The following UBR3 variants were observed in gnomAD, a reference collection of about 807,000 sequenced individuals.
UBR3 encodes ubiquitin protein ligase E3 component n-recognin 3, also known as E3 ubiquitin-protein ligase UBR3.
UBR3 carries 85 observed loss-of-function variants against 243.2 expected under a neutral mutation model. The observed-to-expected ratio is 0.35, with a 90% CI of 0.29 to 0.42. The LOEUF (loss-of-function observed/expected upper bound fraction) is 0.42, where lower values mean the gene tolerates loss of function less well. UBR3 is among the 10% of genes least tolerant of loss of function. The pLI is 1.00. For synonymous variants in UBR3, 748 were observed against 799.8 expected (o/e 0.94, Z 1.09); for missense variants, 1,686 against 2,300.8 (o/e 0.73, Z 5.47).
intron 35 of UBR3, among the ~76,000 whole-genome samples, chr2:170,071,810 G>A (rs188913813): frequency 9.9e-5 from 15 of 152,206 alleles, no homozygotes; most frequent in East Asian, 3.9e-4. Flanking sequence ...TTTGTTGAAC[G>A]TCTGCTATGT....
chr2:169,843,765 ATC>A (rs1368543025), intron 1 of UBR3, among the ~76,000 whole-genome samples: 1 of 152,172 alleles, frequency 6.6e-6, no homozygotes, highest in African/African-American at 2.4e-5. Flanking sequence ...CTTTTGCAAT[ATC>A]TCTGTCTGAT....
chr2:170,025,005 T>C (rs780370928), intron 30 of UBR3, among the ~76,000 whole-genome samples: 13 of 152,280 alleles, frequency 8.5e-5, no homozygotes, highest in Non-Finnish European at 2.9e-5. Context: ...TTAATTGGCC[T>C]GCTTCTTGGT....
At chr2:169,883,705 A>G (rs1402457876) in intron 5 of UBR3, among the ~76,000 whole-genome samples, 1 of 152,256 alleles carries the variant, frequency 6.6e-6, no homozygotes, top group Non-Finnish European at 1.5e-5. Context: ...GAAAAAATAC[A>G]ACTGATAAAG....
chr2:169,963,896 TG>T (rs1287562138), intron 24 of UBR3, among the ~76,000 whole-genome samples: 1 of 152,202 alleles, frequency 6.6e-6, no homozygotes, highest in East Asian at 1.9e-4. Flanking sequence ...AACATTGTTC[TG>T]TATTTGTTCT....
intron 32 of UBR3, among the ~76,000 whole-genome samples, chr2:170,054,645 T>C (rs573659425): frequency 1.1e-4 from 17 of 152,200 alleles, no homozygotes; most frequent in Non-Finnish European, 2.4e-4. Flanking sequence ...CTTATTGCTA[T>C]AGTTTTCATT....
At chr2:170,052,840 A>G (rs182596361) in intron 32 of UBR3, among the ~76,000 whole-genome samples, 3 of 152,368 alleles carry the variant, frequency 2.0e-5, no homozygotes, top group African/African-American at 7.2e-5. Context: ...AAGTATTCTC[A>G]GTGCACACAC....
intron 29 of UBR3, among the ~76,000 whole-genome samples, chr2:170,010,306 C>T (rs16857433): frequency 0.012 from 1,776 of 152,168 alleles, 49 homozygotes; most frequent in African/African-American, 0.039. Context: ...ACATTGTAGA[C>T]GATTGGGTTG....
At chr2:169,924,025 T>C (rs1160488646) in intron 12 of UBR3, 31 bp downstream of exon 12, 2 of 1,525,076 alleles carry the variant, frequency 1.3e-6, no homozygotes, top group Non-Finnish European at 1.8e-6. Flanking sequence ...TTCTGTTCTT[T>C]TTTTTTTAAT....
intron 7 of UBR3, among the ~76,000 whole-genome samples, chr2:169,896,165 G>T (rs1208419905): frequency 6.6e-6 from 1 of 152,174 alleles, no homozygotes; most frequent in East Asian, 1.9e-4. Flanking sequence ...GCGTGTGCCT[G>T]TAATCCCAGC....
At chr2:169,982,655 C>T (rs67140387) in intron 24 of UBR3, among the ~76,000 whole-genome samples, 20,536 of 151,830 alleles carry the variant, frequency 0.14, 1,936 homozygotes, top group East Asian at 0.37. Context: ...ATATTCCAGA[C>T]GGAAACACCT....
chr2:170,023,443 T>C (rs2090444973), intron 30 of UBR3, among the ~76,000 whole-genome samples: 1 of 151,706 alleles, frequency 6.6e-6, no homozygotes, highest in Non-Finnish European at 1.5e-5. Flanking sequence ...GGAGTCTCAC[T>C]CTGTTGCCCA....
intron 5 of UBR3, among the ~76,000 whole-genome samples, chr2:169,886,691 A>AT (rs1381834176): frequency 2.0e-5 from 3 of 151,996 alleles, no homozygotes; most frequent in Admixed American, 6.6e-5. Flanking sequence ...GCTTTTTGTT[A>AT]TTTTTTTAGC....
intron 19 of UBR3, among the ~76,000 whole-genome samples, chr2:169,935,595 C>T (rs1435768135): frequency 3.9e-5 from 6 of 152,148 alleles, no homozygotes; most frequent in African/African-American, 1.4e-4. Flanking sequence ...TATGTAATTT[C>T]TTATATTTCT....
intron 24 of UBR3, chr2:169,964,437 G>C (rs993675226): frequency 2.1e-6 from 1 of 470,054 alleles, no homozygotes; most frequent in East Asian, 7.0e-5. Flanking sequence ...ATTAAGCAAC[G>C]TACCCAGAGC....
chr2:170,021,006 G>A (rs2090376038), intron 30 of UBR3, among the ~76,000 whole-genome samples: 1 of 152,114 alleles, frequency 6.6e-6, no homozygotes, highest in Non-Finnish European at 1.5e-5. Context: ...GAGATAAGGA[G>A]TACTGTTTGA....
In UBR3 at chr2:170,081,712, T is replaced by C. The variant is rs2091911026; in HGVS notation, c.5550-14T>C. On this transcript the variant is annotated splice_polypyrimidine_tract_variant and intron_variant, in intron 38 of 38. Transcript: ENST00000272793. Reference sequence around the variant, plus strand: ...GTGTATGATATTAATACTTTTTTTTTCTTTTTGTTCTAGGCGAGGCAAACC... The same window carrying C: ...GTGTATGATATTAATACTTTTTTTTCCTTTTTGTTCTAGGCGAGGCAAACC... 1 of 1,555,252 alleles carries C rather than the reference T, an allele frequency of 6.4e-7. No homozygotes were observed. Among genetic ancestry groups the C allele is most frequent in the Non-Finnish European group, 8.7e-7 (1 of 1,147,958 alleles).
intron 30 of UBR3, among the ~76,000 whole-genome samples, chr2:170,019,922 C>G (rs2090345643): frequency 6.6e-6 from 1 of 152,016 alleles, no homozygotes; most frequent in Admixed American, 6.6e-5. Flanking sequence ...ACAGCAGACA[C>G]ACACCATCAG....
intron 21 of UBR3, among the ~76,000 whole-genome samples, chr2:169,946,850 A>G (rs1203297088): frequency 6.6e-6 from 1 of 152,110 alleles, no homozygotes; most frequent in African/African-American, 2.4e-5. Context: ...TGAGTAACAA[A>G]TTCTTCCTGT....
chr2:170,073,019 T>C (rs1167997845), intron 35 of UBR3, among the ~76,000 whole-genome samples: 2 of 152,156 alleles, frequency 1.3e-5, no homozygotes, highest in African/African-American at 4.8e-5. Flanking sequence ...TAGCACTCTC[T>C]CGTGAATTCC....
Sources: allele counts gnomAD v4.1 joint callset (sites outside exome capture counted in the v4.1 genomes callset), GRCh38; gene constraint gnomAD v4.1.1; transcripts MANE v1.5; gene names NCBI Gene and HGNC (gene_info 2026-07-23, HGNC 2026-07-21).